COL24A1: variants seen among roughly 807,000 people sequenced by gnomAD.
The protein encoded by COL24A1 is collagen alpha-1(XXIV) chain.
A neutral mutation model predicts 253.9 loss-of-function variants in COL24A1; 224 were observed. The observed-to-expected ratio is 0.88, with a 90% CI of 0.79 to 0.99. The LOEUF (loss-of-function observed/expected upper bound fraction) is 0.99. Among genes scored for constraint, COL24A1 ranks in the 50% least tolerant of loss-of-function variants. The pLI is 0.00. For synonymous variants in COL24A1, 685 were observed against 673.7 expected, an observed-to-expected ratio of 1.02 and a Z score of -0.26; for missense variants, 2,131 against 2,068.5, an observed-to-expected ratio of 1.03 and a Z score of -0.59.
At chr1:86,052,531 T>C (rs1266932613) in intron 10 of COL24A1, among the ~76,000 whole-genome samples, 1 of 152,040 alleles carries the variant, frequency 6.6e-6, no homozygotes, top group African/African-American at 2.4e-5. Flanking sequence ...CTTATAGTAG[T>C]CAAATTCATA....
chr1:85,795,915 T>G (rs566023888), intron 47 of COL24A1, among the ~76,000 whole-genome samples: 3 of 152,280 alleles, frequency 2.0e-5, no homozygotes, highest in African/African-American at 7.2e-5. Flanking sequence ...TCTCGTTTTA[T>G]TTGGTTTACT....
At chr1:85,909,835 G>A (rs774964131) in intron 26 of COL24A1, 115 bp downstream of exon 26, 2 of 853,348 alleles carry the variant, frequency 2.3e-6, no homozygotes, top group African/African-American at 3.4e-5. Flanking sequence ...AAATTCTATG[G>A]GAAATTTAAC....
intron 47 of COL24A1, among the ~76,000 whole-genome samples, chr1:85,797,780 G>T (rs1190491085): frequency 6.6e-6 from 1 of 152,280 alleles, no homozygotes; most frequent in East Asian, 1.9e-4. Context: ...TACAGTAAGC[G>T]TTTAATAACT....
chr1:85,812,685 T>G (rs1039971508), intron 47 of COL24A1, among the ~76,000 whole-genome samples: 1 of 152,242 alleles, frequency 6.6e-6, no homozygotes, highest in Non-Finnish European at 1.5e-5. Flanking sequence ...TTATATTCCA[T>G]GTAGATACTT....
rs138093562 is a variant in COL24A1, at chr1:86,111,084, C to T, written c.1599+1483G>A. On this transcript the variant is annotated intron_variant, in intron 5 of 59. Transcript: ENST00000370571. ...ACATGCGCCAATCAGCACTCTGTGT[C>T]TAGCTCCGGGTTTGCGGATGCACCA... Among the ~76,000 whole-genome samples the T allele has an allele frequency of 4.3e-3, 661 of 152,308 alleles. 1 individual carries two copies. The highest frequency in any genetic ancestry group is 7.1e-3 in the Non-Finnish European group (483 of 68,026).
At chr1:85,818,636 A>G (rs1256582879) in intron 45 of COL24A1, among the ~76,000 whole-genome samples, 2 of 152,226 alleles carry the variant, frequency 1.3e-5, no homozygotes, top group Admixed American at 6.5e-5. Context: ...TTGTTTTTCC[A>G]TGTGTGAGAT....
chr1:86,093,129 C>CAT (rs769224172), intron 5 of COL24A1, among the ~76,000 whole-genome samples: 1 of 152,004 alleles, frequency 6.6e-6, no homozygotes, highest in Non-Finnish European at 1.5e-5. Context: ...GGGAAATAGT[C>CAT]ATATCTTCTT....
intron 7 of COL24A1, among the ~76,000 whole-genome samples, chr1:86,085,305 A>G (rs952013967): frequency 6.6e-6 from 1 of 152,204 alleles, no homozygotes; most frequent in Non-Finnish European, 1.5e-5. Context: ...AAAATAATTG[A>G]ACAAATTCTC....
intron 57 of COL24A1, 85 bp downstream of exon 57, chr1:85,744,581 T>C: frequency 8.7e-7 from 1 of 1,154,122 alleles, no homozygotes; most frequent in Non-Finnish European, 1.2e-6. Context: ...AACTATGATT[T>C]GGAGTGAACA....
upstream of COL24A1, chr1:86,156,969 T>C (rs999492973): frequency 6.6e-6 from 1 of 152,292 alleles, no homozygotes; most frequent in African/African-American, 2.4e-5. Context: ...GCCGGCTGCT[T>C]TGCCTGGAAG....
Position 85,911,318 on chromosome 1 carries a change from T to A in COL24A1, c.2616+62A>T, listed in dbSNP as rs1205779978. ...ATTAACATAAAAGATCATATGAAAG[T>A]CTGCCTTTTGAATTTAGCCTAGATT... On this transcript the variant is annotated intron_variant, in intron 25 of 59. Coordinates refer to ENST00000370571, the MANE Select transcript of COL24A1 (RefSeq NM_152890.7). 4.0e-6 allele frequency: 5 copies of A among 1,258,306 alleles called. No individual in the cohort carries two copies. In the Admixed American group the frequency reaches 9.2e-5, roughly 23 times the overall value. 77.9% of individuals were successfully genotyped at this position (1,258,306 alleles called of 1,614,324 possible).
At chr1:85,992,047 T>C (rs955519464) in intron 19 of COL24A1, among the ~76,000 whole-genome samples, 1 of 152,072 alleles carries the variant, frequency 6.6e-6, no homozygotes, top group African/African-American at 2.4e-5. Context: ...ACACTAGGTA[T>C]ATCTCCTAAT....
chr1:86,124,466 T>C (rs919512724), intron 3 of COL24A1, among the ~76,000 whole-genome samples: 1 of 152,026 alleles, frequency 6.6e-6, no homozygotes, highest in Non-Finnish European at 1.5e-5. Flanking sequence ...ATATCTTTTA[T>C]ATACTTCTCT....
intron 31 of COL24A1, among the ~76,000 whole-genome samples, chr1:85,893,409 A>T (rs1272478972): frequency 6.6e-6 from 1 of 152,174 alleles, no homozygotes; most frequent in Admixed American, 6.5e-5. Context: ...AGGGAGAAAT[A>T]GAGAAACACA....
intron 20 of COL24A1, among the ~76,000 whole-genome samples, chr1:85,979,545 A>G (rs489141): frequency 0.26 from 38,938 of 151,970 alleles, 5,070 homozygotes; most frequent in Non-Finnish European, 0.28. Context: ...CATTCAGCCT[A>G]CTATGAACAC....
intron 47 of COL24A1, among the ~76,000 whole-genome samples, chr1:85,797,571 T>C (rs1670971349): frequency 6.6e-6 from 1 of 152,202 alleles, no homozygotes; most frequent in Admixed American, 6.5e-5. Context: ...TGAAGAAGCA[T>C]AGCTCTGAAA....
chr1:85,816,203 A>G (rs1673027656), intron 47 of COL24A1, among the ~76,000 whole-genome samples: 1 of 152,188 alleles, frequency 6.6e-6, no homozygotes, highest in Admixed American at 6.5e-5. Context: ...AGGGGTAGAC[A>G]CATATTATAG....
At chr1:85,823,761 T>C (rs1322880701) in intron 43 of COL24A1, 23 bp from the exon 44 acceptor site, 2 of 1,607,166 alleles carry the variant, frequency 1.2e-6, no homozygotes, top group Admixed American at 1.7e-5. Flanking sequence ...AAGATTACAT[T>C]ATTAGAGTAA....
At chr1:86,020,061 C>CTTTTTTTTTTTT (rs10582249) in intron 18 of COL24A1, among the ~76,000 whole-genome samples, 2 of 102,594 alleles carry the variant, frequency 1.9e-5, no homozygotes, top group Admixed American at 1.3e-4. Context: ...TTCATTCTTT[C>CTTTTTTTTTTTT]TTTTTTTTTT....
Sources: gnomAD v4.1 joint callset for allele counts (sites outside exome capture counted in the v4.1 genomes callset) on GRCh38, gnomAD v4.1.1 for gene constraint, MANE v1.5 for transcripts, NCBI Gene and HGNC (gene_info 2026-07-23, HGNC 2026-07-21) for gene names.